The following EYS variants were observed in gnomAD, a reference collection of about 807,000 sequenced individuals.
EYS encodes the protein EGF-like photoreceptor maintenance factor.
A neutral mutation model predicts 282.1 loss-of-function variants in EYS; 250 were observed. That is an observed-to-expected ratio of 0.89 (90% CI 0.80 to 0.98). EYS has a LOEUF of 0.98. EYS is among the 50% of genes least tolerant of loss of function. The probability of loss-of-function intolerance (pLI) is 0.00; values close to 1 mark genes in which losing one functional copy is unlikely to be tolerated. For missense variants in EYS, 4,016 were observed against 3,709.0 expected, an observed-to-expected ratio of 1.08 and a Z score of -2.15; for synonymous variants, 1,355 against 1,282.9, an observed-to-expected ratio of 1.06 and a Z score of -1.20.
At chr6:64,597,868 T>C (rs1317541922) in intron 24 of EYS, among the ~76,000 whole-genome samples, 3 of 152,136 alleles carry the variant, frequency 2.0e-5, no homozygotes, top group Non-Finnish European at 4.4e-5. Flanking sequence ...TTGATACAAA[T>C]TTTTTAAAAG....
chr6:64,599,187 C>T (rs1168162408), intron 24 of EYS, among the ~76,000 whole-genome samples: 3 of 152,118 alleles, frequency 2.0e-5, no homozygotes, highest in African/African-American at 7.2e-5. Context: ...AAGTTCTAAT[C>T]TTATTGATAT....
intron 29 of EYS, among the ~76,000 whole-genome samples, chr6:64,365,962 A>T (rs919465738): frequency 6.6e-5 from 10 of 152,088 alleles, no homozygotes; most frequent in African/African-American, 2.4e-4. Flanking sequence ...TATTGTTTGT[A>T]ATTTGAAAAT....
chr6:64,186,217 A>T (rs994964184), intron 31 of EYS, among the ~76,000 whole-genome samples: 2 of 149,882 alleles, frequency 1.3e-5, no homozygotes, highest in East Asian at 2.0e-4. Context: ...AACCTAGATG[A>T]TTGTGGGTAT....
chr6:64,020,579 A>G (rs1769141645), intron 33 of EYS, among the ~76,000 whole-genome samples: 1 of 152,198 alleles, frequency 6.6e-6, no homozygotes, highest in South Asian at 2.1e-4. Context: ...GGTAAAAATT[A>G]TCCAACAATT....
intron 7 of EYS, among the ~76,000 whole-genome samples, chr6:65,392,904 A>C (rs1014287471): frequency 6.6e-6 from 1 of 152,262 alleles, no homozygotes; most frequent in South Asian, 2.1e-4. Context: ...TCACAATAGC[A>C]AAGACTTGGA....
chr6:64,430,409 T>C (rs1774538571), intron 28 of EYS, among the ~76,000 whole-genome samples: 1 of 152,176 alleles, frequency 6.6e-6, no homozygotes. Context: ...ATTTAAAACA[T>C]GTAATCTGAC....
chr6:64,502,872 A>C (rs1256162193), intron 26 of EYS, among the ~76,000 whole-genome samples: 1 of 152,230 alleles, frequency 6.6e-6, no homozygotes, highest in Non-Finnish European at 1.5e-5. Flanking sequence ...AATGGTAGCC[A>C]GGAATACTCT....
intron 15 of EYS, among the ~76,000 whole-genome samples, chr6:64,939,236 C>A (rs1769011168): frequency 6.6e-6 from 1 of 151,682 alleles, no homozygotes; most frequent in Non-Finnish European, 1.5e-5. Context: ...AAATCTGATT[C>A]AGCTAAACTT....
intron 22 of EYS, among the ~76,000 whole-genome samples, chr6:64,775,650 A>T (rs1201982126): frequency 1.3e-5 from 2 of 152,060 alleles, no homozygotes; most frequent in Non-Finnish European, 2.9e-5. Flanking sequence ...TCTTAAGAGT[A>T]ATCCTACCTA....
At chr6:64,831,491 T>G (rs2150028355) in intron 19 of EYS, among the ~76,000 whole-genome samples, 1 of 152,082 alleles carries the variant, frequency 6.6e-6, no homozygotes, top group Non-Finnish European at 1.5e-5. Flanking sequence ...ATATCCCAGG[T>G]TTGGACAGAT....
chr6:63,884,644 C>G (rs1474191615), intron 35 of EYS, among the ~76,000 whole-genome samples: 1 of 152,104 alleles, frequency 6.6e-6, no homozygotes, highest in Admixed American at 6.5e-5. Flanking sequence ...ATATAAAGAC[C>G]TCTTTAGTGT....
At chr6:64,682,122 G>T (rs1239342154) in intron 22 of EYS, among the ~76,000 whole-genome samples, 1 of 152,146 alleles carries the variant, frequency 6.6e-6, no homozygotes, top group African/African-American at 2.4e-5. Flanking sequence ...AAATTTCTTG[G>T]CTATTATAAA....
At chr6:65,119,842 A>C (rs1016222445) in intron 12 of EYS, among the ~76,000 whole-genome samples, 10 of 151,786 alleles carry the variant, frequency 6.6e-5, no homozygotes, top group African/African-American at 2.4e-4. Flanking sequence ...AGCCTGGGTG[A>C]CAGAACAAGA....
chr6:65,049,407 T>C (rs1343168950), intron 13 of EYS, among the ~76,000 whole-genome samples: 4 of 151,840 alleles, frequency 2.6e-5, no homozygotes, highest in Non-Finnish European at 4.4e-5. Flanking sequence ...CATGGCAGTT[T>C]AGCACTTATC....
At chr6:64,448,533 G>C (rs112190615) in intron 26 of EYS, among the ~76,000 whole-genome samples, 4 of 152,190 alleles carry the variant, frequency 2.6e-5, no homozygotes, top group Admixed American at 6.5e-5. Flanking sequence ...TGCAGCTTGA[G>C]ATCTGAGAAC....
chr6:65,473,074 T>A (rs921439239), intron 5 of EYS, among the ~76,000 whole-genome samples: 1 of 151,976 alleles, frequency 6.6e-6, no homozygotes, highest in African/African-American at 2.4e-5. Flanking sequence ...ATGAATCCAA[T>A]GGTGCTAAAT....
At chr6:65,116,964 A>T (rs1053404229) in intron 12 of EYS, among the ~76,000 whole-genome samples, 5 of 152,132 alleles carry the variant, frequency 3.3e-5, no homozygotes, top group African/African-American at 9.7e-5. Context: ...TCAATGTCCA[A>T]TATTCCTTTC....
intron 31 of EYS, among the ~76,000 whole-genome samples, chr6:64,136,929 G>C (rs919893456): frequency 2.0e-5 from 3 of 152,128 alleles, no homozygotes; most frequent in Non-Finnish European, 4.4e-5. Context: ...TTGAAGCTTT[G>C]AAGCCAGAAA....
chr6:65,006,614 C>T (rs915212023), intron 13 of EYS, among the ~76,000 whole-genome samples: 2 of 151,842 alleles, frequency 1.3e-5, no homozygotes, highest in African/African-American at 4.8e-5. Context: ...TGATAATTCC[C>T]TTAACCCAGC....
Sources: gnomAD v4.1 joint callset for allele counts (sites outside exome capture counted in the v4.1 genomes callset) on GRCh38, gnomAD v4.1.1 for gene constraint, MANE v1.5 for transcripts, NCBI Gene and HGNC (gene_info 2026-07-23, HGNC 2026-07-21) for gene names.